Variants in DPYSL4 observed in about 807,000 individuals in gnomAD.
The protein encoded by DPYSL4 is dihydropyrimidinase like 4.
In DPYSL4, 43 loss-of-function variants were observed where a neutral mutation model predicts 63.4. The observed-to-expected ratio is 0.68, with a 90% CI of 0.53 to 0.88. The LOEUF (loss-of-function observed/expected upper bound fraction) is 0.88. Among genes scored for constraint, DPYSL4 ranks in the 40% least tolerant of loss-of-function variants. The probability of loss-of-function intolerance (pLI) is 0.00; values close to 1 mark genes in which losing one functional copy is unlikely to be tolerated. For synonymous variants in DPYSL4, 353 were observed against 331.7 expected (o/e 1.06, Z -0.70); for missense variants, 733 against 819.5 (o/e 0.89, Z 1.29).
rs1229373997 is a variant in DPYSL4 at position 132,198,873 on chromosome 10, G to A, written c.713G>A (p.Arg238Gln). The change falls in exon 8 of 14, where the codon CGA becomes CAA. Residue 238 changes from arginine to glutamine, a missense_variant. Arg to Gln is a conservative substitution (Grantham distance 43, BLOSUM62 1). Coordinates refer to ENST00000338492, the MANE Select transcript of DPYSL4 (RefSeq NM_006426.3). ...PEEVEAEAVY[R>Q]AVTIAKQANC... ...CAGGTGGAGGCTGAGGCGGTGTACC[G>A]AGCTGTCACCATCGCCAAGCAGGCA... 9 of 1,612,840 alleles carry A rather than the reference G, an allele frequency of 5.6e-6. No homozygotes were observed. The highest frequency in any genetic ancestry group is 3.3e-5 in the South Asian group (3 of 91,086).
In DPYSL4 at chr10:132,194,279, G is replaced by A. The variant is rs573313530; in HGVS notation, c.314-566G>A. On this transcript the variant is annotated intron_variant, in intron 3 of 13. Transcript: ENST00000338492. ...ACCTGGCTTGGAGCTGTGTCTGGCT[G>A]CACCAGGAGAGGCCAGTGAGCAGTG... Among the ~76,000 whole-genome samples, 3 of 152,394 alleles carry A rather than the reference G, an allele frequency of 2.0e-5. No individual in the cohort carries two copies. In the East Asian group the frequency reaches 5.8e-4, roughly 29 times the overall value.
intron 12 of DPYSL4, chr10:132,203,551 T>C: frequency 1.7e-6 from 1 of 579,786 alleles, no homozygotes; most frequent in South Asian, 2.2e-5. Flanking sequence ...TATACACGTA[T>C]GGGGAGGACT....
At chr10:132,199,577 C>T (rs1407722490) in intron 8 of DPYSL4, among the ~76,000 whole-genome samples, 1 of 151,736 alleles carries the variant, frequency 6.6e-6, no homozygotes, top group Non-Finnish European at 1.5e-5. Context: ...ATCCCCTAGG[C>T]GGCCTCTGGA....
intron 6 of DPYSL4, among the ~76,000 whole-genome samples, chr10:132,197,499 G>A (rs887881421): frequency 2.0e-5 from 3 of 152,188 alleles, no homozygotes; most frequent in South Asian, 2.1e-4. Context: ...ACATCCCACC[G>A]GGCTGGGGAG....
intron 8 of DPYSL4, among the ~76,000 whole-genome samples, 160 bp downstream of exon 8, chr10:132,199,131 A>G (rs995608950): frequency 6.6e-6 from 1 of 151,948 alleles, no homozygotes; most frequent in Non-Finnish European, 1.5e-5. Flanking sequence ...GAGTCCCTGC[A>G]TCGGGGCAGG....
At chr10:132,187,129 G>A in intron 1 of DPYSL4, 27 bp downstream of exon 1, 2 of 1,508,712 alleles carry the variant, frequency 1.3e-6, no homozygotes, top group South Asian at 1.2e-5. Context: ...TTCGCCCGGC[G>A]CCCCCTGCCC....
Position 132,196,914 on chromosome 10 carries a change from G to A in DPYSL4, c.532G>A (p.Asp178Asn), listed in dbSNP as rs776731513. ...ATACAAGGACCGGTGCCAGTGCAGC[G>A]ACAGCCAGGTAAGGGCAGGCGTGGG... ...MAYKDRCQCSDSQMYEIFSII... is the reference protein window; with the variant it reads ...MAYKDRCQCSNSQMYEIFSII... The change falls in exon 5 of 14, where the codon GAC (aspartate) becomes AAC (asparagine). Residue 178 changes from aspartate (D) to asparagine (N), a missense_variant. Coordinates refer to ENST00000338492, the MANE Select transcript of DPYSL4 (RefSeq NM_006426.3). The A allele has an allele frequency of 5.0e-5, 80 of 1,611,284 alleles. No homozygotes were observed. The highest frequency in any genetic ancestry group is 1.6e-4 in the Middle Eastern group (1 of 6,078).
chr10:132,195,024 A>T lies in DPYSL4; in HGVS notation c.478+15A>T. ...CAAGGAGAAGGGTGAGGGTGGCTGG[A>T]GGGGCTGGAGGGCGGGCATGGAGCC... On this transcript the variant is annotated intron_variant, in intron 4 of 13. Transcript: ENST00000338492. The T allele has an allele frequency of 9.7e-6, 14 of 1,446,696 alleles. No homozygotes were observed. Among genetic ancestry groups the T allele is most frequent in the Non-Finnish European group, 1.1e-5 (12 of 1,067,904 alleles). The allele number at this position is 1,446,696 out of a possible 1,614,324, so 89.6% of individuals were successfully genotyped here. A position where few individuals can be genotyped will look rare whatever the true frequency, so the allele number is the denominator to read the frequency against.
intron 2 of DPYSL4, among the ~76,000 whole-genome samples, chr10:132,191,766 C>T (rs1281852711): frequency 2.1e-5 from 2 of 97,010 alleles, no homozygotes; most frequent in Non-Finnish European, 4.3e-5. Context: ...ACACACTGGT[C>T]ACGTGGTATC....
Position 132,198,860 on chromosome 10 carries a change from G to C in DPYSL4, c.700G>C (p.Glu234Gln). The change falls in exon 8 of 14, where the codon GAG becomes CAG. Residue 234 changes from glutamate to glutamine, a missense_variant. Glu to Gln is a conservative substitution (Grantham distance 29, BLOSUM62 2). Transcript: ENST00000338492. Reference sequence around the variant, plus strand: ...CTCATCTCGTCCCCAGGTGGAGGCTGAGGCGGTGTACCGAGCTGTCACCAT... The same window carrying C: ...CTCATCTCGTCCCCAGGTGGAGGCTCAGGCGGTGTACCGAGCTGTCACCAT... ...VLSHPEEVEA[E>Q]AVYRAVTIAK... is the part of the protein sequence containing the mutation. The C allele has an allele frequency of 6.2e-7, 1 of 1,612,916 alleles. No homozygotes were observed. The highest frequency in any genetic ancestry group is 8.5e-7 in the Non-Finnish European group (1 of 1,179,900).
Position 132,203,729 on chromosome 10 carries a change from C to G in DPYSL4, c.1462-33C>G, listed in dbSNP as rs1590107475. 2.5e-6 allele frequency: 4 copies of G among 1,576,246 alleles called. No individual in the cohort carries two copies. In the East Asian group the frequency reaches 9.6e-5, roughly 38 times the overall value. ...CCACAGCTGCCCAGGCTCAGCCCCT[C>G]ATGCCCTGTCTCTGCCCCCACCCCC... On this transcript the variant is annotated intron_variant, in intron 12 of 13. Transcript: ENST00000338492.
At chr10:132,188,202 G>T (rs916266545) in intron 1 of DPYSL4, among the ~76,000 whole-genome samples, 1 of 152,214 alleles carries the variant, frequency 6.6e-6, no homozygotes, top group African/African-American at 2.4e-5. Flanking sequence ...AACCATGTCA[G>T]TGCGGAGGGG....
intron 2 of DPYSL4, among the ~76,000 whole-genome samples, chr10:132,191,363 C>G (rs111911803): frequency 3.2e-4 from 43 of 133,592 alleles, no homozygotes; most frequent in South Asian, 7.9e-4. Flanking sequence ...TATGTTCCCA[C>G]CTCTTGTGTA....
rs571990698 is a variant in DPYSL4 at position 132,197,123 on chromosome 10, G to T, written c.621+22G>T. The T allele has an allele frequency of 1.5e-5, 22 of 1,478,008 alleles. No homozygotes were observed. The East Asian group carries it at 4.9e-4, about 33-fold the overall frequency. The allele number at this position is 1,478,008 out of a possible 1,614,324, so 91.6% of individuals were successfully genotyped here. Reference sequence around the variant, plus strand: ...GGAGGTGCCGTGGGGCAGGGCTGCCGTGGGGCAGGCACAGGGGCTGCCGTG... The same window carrying T: ...GGAGGTGCCGTGGGGCAGGGCTGCCTTGGGGCAGGCACAGGGGCTGCCGTG... On this transcript the variant is annotated intron_variant, in intron 6 of 13. Transcript: ENST00000338492.
chr10:132,195,702 T>C (rs1175401853), intron 4 of DPYSL4, among the ~76,000 whole-genome samples: 3 of 152,188 alleles, frequency 2.0e-5, no homozygotes, highest in Admixed American at 1.3e-4. Context: ...GGTCATCACA[T>C]AGGTGCCCCT....
chr10:132,199,703 G>A (rs1344854794), intron 8 of DPYSL4, among the ~76,000 whole-genome samples: 1 of 151,510 alleles, frequency 6.6e-6, no homozygotes, highest in African/African-American at 2.4e-5. Flanking sequence ...GGGTGGTGGT[G>A]GTGGTGGGTG....
chr10:132,201,912 C>T (rs923593714), intron 10 of DPYSL4, 34 bp from the exon 11 acceptor site: 9 of 1,591,360 alleles, frequency 5.7e-6, no homozygotes, highest in Non-Finnish European at 7.7e-6. Context: ...CCAACCCCAC[C>T]CGTCGCCCTC....
chr10:132,203,790 G>T lies in DPYSL4; in HGVS notation c.1490G>T (p.Gly497Val). 2 of 1,611,872 alleles carry T rather than the reference G, an allele frequency of 1.2e-6. No homozygotes were observed. Among genetic ancestry groups the T allele is most frequent in the Non-Finnish European group, 1.7e-6 (2 of 1,179,272 alleles). ...GCGGAGATCCACGGTGTGCCCCGTGGACTGTATGACGGGCCCGTCCACGAG... is the reference window on the plus strand; with the variant it reads ...GCGGAGATCCACGGTGTGCCCCGTGTACTGTATGACGGGCCCGTCCACGAG... ...RLAEIHGVPRGLYDGPVHEVM... is the reference protein window; with the variant it reads ...RLAEIHGVPRVLYDGPVHEVM... The change falls in exon 13 of 14, where the codon GGA becomes GTA. Residue 497 changes from glycine to valine, a missense_variant. Gly to Val is a moderately radical substitution (Grantham distance 109). Transcript: ENST00000338492.
chr10:132,194,208 G>C (rs972407541), intron 3 of DPYSL4, among the ~76,000 whole-genome samples: 3 of 152,266 alleles, frequency 2.0e-5, no homozygotes, highest in African/African-American at 7.2e-5. Context: ...AGGGAGGGCT[G>C]TGCTGGAGGA....
Sources: allele counts gnomAD v4.1 joint callset (sites outside exome capture counted in the v4.1 genomes callset), GRCh38; gene constraint gnomAD v4.1.1; transcripts MANE v1.5; gene names NCBI Gene and HGNC (gene_info 2026-07-23, HGNC 2026-07-21).